The following U2SURP variants were observed in gnomAD, a reference collection of about 807,000 sequenced individuals.
U2SURP encodes U2 snRNP-associated SURP motif-containing protein.
Under a neutral mutation model 144.9 loss-of-function variants are expected in U2SURP, and 9 were observed. The ratio of observed to expected loss-of-function variants is 0.06; its 90% CI spans 0.04 to 0.11. The LOEUF (loss-of-function observed/expected upper bound fraction) is 0.11, where lower values mean the gene tolerates loss of function less well. Ranked by LOEUF, U2SURP falls within the 10% of genes least tolerant of loss-of-function variation. The pLI is 1.00. For missense variants in U2SURP, 724 were observed against 1,226.7 expected, an observed-to-expected ratio of 0.59 and a Z score of 6.12; for synonymous variants, 408 against 396.8, an observed-to-expected ratio of 1.03 and a Z score of -0.33.
At position 143,002,873 on chromosome 3, in the gene U2SURP, A is replaced by G. The variant is rs957375710; in HGVS notation, c.45+1200A>G. Reference sequence around the variant, plus strand: ...GTGAGGGGCCAGTTTCGGCTTCTTTACAAGGTATTGTGTCAGTTTTTTTTC... The same window carrying G: ...GTGAGGGGCCAGTTTCGGCTTCTTTGCAAGGTATTGTGTCAGTTTTTTTTC... On this transcript the variant is annotated intron_variant, in intron 1 of 27. Transcript: ENST00000473835. Among the ~76,000 whole-genome samples, 3 of 152,270 alleles carry G rather than the reference A, an allele frequency of 2.0e-5. No homozygotes were observed. The South Asian group carries it at 6.2e-4, about 32-fold the overall frequency.
chr3:143,016,661 T>C (rs531966928), intron 5 of U2SURP, among the ~76,000 whole-genome samples, 181 bp from the exon 6 acceptor site: 155 of 152,262 alleles, frequency 1.0e-3, no homozygotes, highest in Non-Finnish European at 1.8e-3. Flanking sequence ...TGTGTCATAG[T>C]TTTGCTATGA....
rs1277218658 is a variant in U2SURP at position 143,058,126 on chromosome 3, TA to T, written c.*1678del. The T allele has an allele frequency of 5.2e-4, 79 of 152,496 alleles. No individual in the cohort carries two copies. Among genetic ancestry groups the T allele is most frequent in the African/African-American group, 1.9e-3 (79 of 41,552 alleles). 9.4% of individuals were successfully genotyped at this position (152,496 alleles called of 1,614,324 possible). A position where few individuals can be genotyped will look rare whatever the true frequency, so the allele number is the denominator to read the frequency against. ...CCTACAAATGTAGCCATTTAAAAAG[TA>T]ACATGTTTTTCTCCCCTGCTCATTG... On this transcript the variant is annotated 3_prime_UTR_variant, in exon 28 of 28. Coordinates refer to ENST00000473835, the MANE Select transcript of U2SURP (RefSeq NM_001080415.2).
At chr3:143,034,654 C>T (rs552110410) in intron 18 of U2SURP, 10 of 328,096 alleles carry the variant, frequency 3.0e-5, no homozygotes, top group Non-Finnish European at 5.0e-5. Flanking sequence ...GTTTCTTGCT[C>T]GTAAAGGGAA....
At chr3:143,051,747 T>C (rs1934877388) in intron 25 of U2SURP, among the ~76,000 whole-genome samples, 1 of 152,104 alleles carries the variant, frequency 6.6e-6, no homozygotes, top group Non-Finnish European at 1.5e-5. Context: ...GTAAAGCAAC[T>C]GTGGTGCTGC....
In U2SURP at chr3:143,012,347, C is replaced by G; in HGVS notation, c.216C>G (p.Leu72=). 1 of 1,610,384 alleles carries G rather than the reference C, an allele frequency of 6.2e-7. No homozygotes were observed. Among genetic ancestry groups the G allele is most frequent in the Non-Finnish European group, 8.5e-7 (1 of 1,178,122 alleles). The change falls in exon 3 of 28, where the codon CTC becomes CTG. Residue 72 remains leucine (L), a synonymous_variant. Transcript: ENST00000473835. ...ESLCDSPHQN[L]SRPLLENKLK... ...TTTGTGATTCTCCTCATCAGAATCT[C>G]TCAAGAGTGAGTATAGATAAGATAA...
In U2SURP at chr3:143,056,722, G is replaced by C. The variant is rs970470725; in HGVS notation, c.*272G>C. On this transcript the variant is annotated 3_prime_UTR_variant, in exon 28 of 28. Coordinates refer to ENST00000473835, the MANE Select transcript of U2SURP (RefSeq NM_001080415.2). ...CAGAAATGTGTATAATGGATCTGCT[G>C]ACAGTAGTAGTATTTTGTTTTAGGA... 1.1e-5 allele frequency: 3 copies of C among 281,942 alleles called. No individual in the cohort carries two copies. Among genetic ancestry groups the C allele is most frequent in the Admixed American group, 9.3e-5 (2 of 21,472 alleles). The allele number at this position is 281,942 out of a possible 1,614,324, so 17.5% of individuals were successfully genotyped here. A position where few individuals can be genotyped will look rare whatever the true frequency, so the allele number is the denominator to read the frequency against.
At chr3:143,019,749 G>A (rs1936543233) in intron 6 of U2SURP, among the ~76,000 whole-genome samples, 1 of 152,090 alleles carries the variant, frequency 6.6e-6, no homozygotes, top group Non-Finnish European at 1.5e-5. Flanking sequence ...CTGACTACTG[G>A]TTGTCATTTT....
At chr3:143,010,968 C>CT (rs1464284501) in intron 2 of U2SURP, 109 bp downstream of exon 2, 15 of 755,136 alleles carry the variant, frequency 2.0e-5, no homozygotes, top group Non-Finnish European at 2.9e-5. Flanking sequence ...ATTGTATGTG[C>CT]TTTTTTCTTT....
intron 6 of U2SURP, among the ~76,000 whole-genome samples, chr3:143,019,547 C>T (rs1578126822): frequency 6.6e-6 from 1 of 152,124 alleles, no homozygotes; most frequent in East Asian, 1.9e-4. Context: ...TTATTCTTCC[C>T]TATTAAATTA....
intron 16 of U2SURP, among the ~76,000 whole-genome samples, chr3:143,030,200 A>G (rs1236391768): frequency 6.6e-6 from 1 of 152,246 alleles, no homozygotes; most frequent in Non-Finnish European, 1.5e-5. Context: ...AATGTAATTT[A>G]GCACTTTTAT....
In U2SURP at chr3:143,032,986, G is replaced by A. The variant is rs754643320; in HGVS notation, c.1773+40G>A. On this transcript the variant is annotated intron_variant, in intron 17 of 27. Transcript: ENST00000473835. Reference sequence around the variant, plus strand: ...TTTAAGAAAAGGGGAGATAGTTGACGTCTTTTGGGATTAGAATTGGTTTCC... The same window carrying A: ...TTTAAGAAAAGGGGAGATAGTTGACATCTTTTGGGATTAGAATTGGTTTCC... 3.2e-5 allele frequency: 51 copies of A among 1,588,798 alleles called. 1 individual carries two copies. The South Asian group carries it at 3.9e-4, about 12-fold the overall frequency.
At position 143,016,914 on chromosome 3, in the gene U2SURP, C is replaced by G; in HGVS notation, c.509C>G (p.Pro170Arg). The G allele has an allele frequency of 6.3e-7, 1 of 1,594,904 alleles. No homozygotes were observed. The highest frequency in any genetic ancestry group is 8.5e-7 in the Non-Finnish European group (1 of 1,173,008). ...PSSRFADQKN[P>R]PNQSSNERPP... Reference sequence around the variant, plus strand: ...TCAAGATTTGCAGATCAAAAAAATCCTCCAAATCAGTCTTCCAATGAAAGA... The same window carrying G: ...TCAAGATTTGCAGATCAAAAAAATCGTCCAAATCAGTCTTCCAATGAAAGA... The change falls in exon 6 of 28, where the codon CCT becomes CGT. Residue 170 changes from proline (P) to arginine (R), a missense_variant. This residue lies in a region of U2SURP where 115 missense variants were observed against 258.1 expected (regional missense o/e 0.45). Coordinates refer to ENST00000473835, the MANE Select transcript of U2SURP (RefSeq NM_001080415.2).
intron 27 of U2SURP, 67 bp downstream of exon 27, chr3:143,055,186 AAAT>A (rs1168994758): frequency 5.7e-6 from 8 of 1,400,902 alleles, no homozygotes; most frequent in Non-Finnish European, 7.6e-6. Context: ...CAGCTTTTGA[AAAT>A]AATTTGGTTG....
At chr3:143,052,653 G>C (rs539988870) in intron 25 of U2SURP, among the ~76,000 whole-genome samples, 1 of 152,200 alleles carries the variant, frequency 6.6e-6, no homozygotes, top group South Asian at 2.1e-4. Context: ...TTGAGTAGTT[G>C]TGGCAGAGAC....
chr3:143,017,129 TAGATG>T (rs1936411074), intron 6 of U2SURP, 154 bp downstream of exon 6: 1 of 565,274 alleles, frequency 1.8e-6, no homozygotes, highest in African/African-American at 2.0e-5. Flanking sequence ...GTAATTTACT[TAGATG>T]AGAGTTAATG....
chr3:143,018,610 CTA>C (rs986950888), intron 6 of U2SURP, among the ~76,000 whole-genome samples: 3 of 151,354 alleles, frequency 2.0e-5, no homozygotes, highest in African/African-American at 7.3e-5. Context: ...CACATGGTAA[CTA>C]TGTTTAGCCT....
intron 16 of U2SURP, among the ~76,000 whole-genome samples, chr3:143,030,291 G>A (rs1163004905): frequency 1.3e-5 from 2 of 152,204 alleles, no homozygotes; most frequent in African/African-American, 4.8e-5. Context: ...AATGCAGCTG[G>A]TGACTTAAAG....
intron 1 of U2SURP, among the ~76,000 whole-genome samples, chr3:143,006,779 G>A (rs866421251): frequency 6.6e-6 from 1 of 152,204 alleles, no homozygotes; most frequent in Non-Finnish European, 1.5e-5. Context: ...GGAGCATGCT[G>A]TCTAGTAGAA....
intron 25 of U2SURP, among the ~76,000 whole-genome samples, chr3:143,051,400 C>T (rs1267761206): frequency 1.3e-5 from 2 of 151,888 alleles, no homozygotes; most frequent in Non-Finnish European, 2.9e-5. Context: ...AAGATGGAGG[C>T]AGGGTTTGGG....
Sources: allele counts gnomAD v4.1 joint callset (sites outside exome capture counted in the v4.1 genomes callset), GRCh38; gene constraint gnomAD v4.1.1; regional missense constraint gnomAD v4.1.1; transcripts MANE v1.5; gene names NCBI Gene and HGNC (gene_info 2026-07-23, HGNC 2026-07-21).